NID1: variants seen among roughly 807,000 people sequenced by gnomAD.
NID1 encodes the protein nidogen 1.
Under a neutral mutation model 130.6 loss-of-function variants are expected in NID1, and 76 were observed. That is an observed-to-expected ratio of 0.58 (90% confidence interval 0.48 to 0.70). The LOEUF (loss-of-function observed/expected upper bound fraction) is 0.70, where lower values mean the gene tolerates loss of function less well. Among genes scored for constraint, NID1 ranks in the 30% least tolerant of loss-of-function variants. The pLI is 0.00. For synonymous variants in NID1, 665 were observed against 675.1 expected, an observed-to-expected ratio of 0.98 and a Z score of 0.23; for missense variants, 1,517 against 1,664.8, an observed-to-expected ratio of 0.91 and a Z score of 1.54.
chr1:236,062,633 C>CAA (rs56709890), intron 1 of NID1, among the ~76,000 whole-genome samples: 16 of 104,210 alleles, frequency 1.5e-4, no homozygotes, highest in Non-Finnish European at 2.1e-4. Flanking sequence ...GACTCTGTCT[C>CAA]AAAAAAAAAA....
intron 9 of NID1, among the ~76,000 whole-genome samples, chr1:236,020,452 T>C (rs1223206450): frequency 1.3e-5 from 2 of 152,222 alleles, no homozygotes; most frequent in Non-Finnish European, 2.9e-5. Context: ...CAATGAGAGA[T>C]GAGCCAAAAC....
chr1:235,978,751 G>A (rs1657345459), intron 19 of NID1, among the ~76,000 whole-genome samples: 1 of 152,144 alleles, frequency 6.6e-6, no homozygotes, highest in South Asian at 2.1e-4. Flanking sequence ...GGAACCTGAA[G>A]ACCCTATGCT....
chr1:236,042,243 G>T lies in NID1; in HGVS notation c.802C>A (p.Pro268Thr). The T allele has an allele frequency of 6.2e-7, 1 of 1,609,794 alleles. No individual in the cohort carries two copies. The highest frequency in any genetic ancestry group is 8.5e-7 in the Non-Finnish European group (1 of 1,179,974). ...QGVWVFEIGSPATTNGVVPAD... is the reference protein window; with the variant it reads ...QGVWVFEIGSTATTNGVVPAD... Reference sequence around the variant, plus strand: ...GGCACCACGCCATTGGTGGTGGCTGGACTCCCAATCTCAAACACCCAGACA... The same window carrying T: ...GGCACCACGCCATTGGTGGTGGCTGTACTCCCAATCTCAAACACCCAGACA... The change falls in exon 4 of 20, where the codon CCA becomes ACA. Residue 268 changes from proline to threonine, a missense_variant. By Grantham distance (38) the Pro-to-Thr change is conservative. Around this residue, in one of 3 missense-constraint regions of NID1, gnomAD observed 1,329 missense variants for 1,429.2 expected, o/e 0.93. Coordinates refer to ENST00000264187, the MANE Select transcript of NID1 (RefSeq NM_002508.3).
chr1:236,047,675 T>C (rs1659643967), intron 2 of NID1, among the ~76,000 whole-genome samples: 1 of 152,094 alleles, frequency 6.6e-6, no homozygotes, highest in African/African-American at 2.4e-5. Context: ...TTTGCATCCC[T>C]CAGGAGTACT....
At chr1:235,987,022 G>A (rs889839854) in intron 14 of NID1, among the ~76,000 whole-genome samples, 2 of 152,186 alleles carry the variant, frequency 1.3e-5, no homozygotes, top group Admixed American at 1.3e-4. Flanking sequence ...ACAAAAGTGA[G>A]ACAGAAAAGG....
At chr1:236,055,632 G>T (rs1227370380) in intron 1 of NID1, among the ~76,000 whole-genome samples, 1 of 151,516 alleles carries the variant, frequency 6.6e-6, no homozygotes, top group Admixed American at 6.6e-5. Flanking sequence ...TCCAGCCTGG[G>T]TAACAGAGTG....
In NID1 at chr1:235,993,814, C is replaced by T. The variant is rs1572582191; in HGVS notation, c.2586G>A (p.Ala862=). The T allele has an allele frequency of 3.1e-6, 5 of 1,614,128 alleles. No homozygotes were observed. The highest frequency in any genetic ancestry group is 4.2e-6 in the Non-Finnish European group (5 of 1,179,994). ...GAGGAATGGGTCGCTGTGGGTCTGT[C>T]GCCCCCGCTGCCCCGAGAATGTGTT... ...EREHILGAAG[A]TDPQRPIPPG... is the part of the protein sequence containing the mutation. The change falls in exon 13 of 20, where the codon GCG becomes GCA. Residue 862 remains alanine, a synonymous_variant. Coordinates refer to ENST00000264187, the MANE Select transcript of NID1 (RefSeq NM_002508.3).
At chr1:236,039,709 G>A (rs991620652) in intron 4 of NID1, among the ~76,000 whole-genome samples, 9 of 152,172 alleles carry the variant, frequency 5.9e-5, no homozygotes, top group Non-Finnish European at 1.3e-4. Flanking sequence ...TACGAGTGAA[G>A]AGAAAAGCAA....
At chr1:235,992,894 C>T (rs1426790433) in intron 13 of NID1, among the ~76,000 whole-genome samples, 1 of 152,146 alleles carries the variant, frequency 6.6e-6, no homozygotes. Flanking sequence ...TGACAATAAC[C>T]AATTTCTACA....
Position 235,980,575 on chromosome 1 carries a change from G to A in NID1, c.3306C>T (p.Ile1102=), listed in dbSNP as rs1362282765. Residue 1102 remains isoleucine (I), a synonymous_variant, in exon 17 of 20, where the codon ATC becomes ATT. Transcript: ENST00000264187. ...GCAAGCCCAGGTCATCCTGCACAAG[G>A]ATCCTCCGGTTCGTGCCGTCCATGT... is the stretch of plus-strand genomic sequence containing the variant. ...TSYMDGTNRR[I]LVQDDLGLPN... 22 of 1,614,108 alleles carry A rather than the reference G, an allele frequency of 1.4e-5. No homozygotes were observed. Among genetic ancestry groups the A allele is most frequent in the Non-Finnish European group, 1.8e-5 (21 of 1,180,044 alleles).
chr1:236,048,275 C>A (rs980880731), intron 2 of NID1, among the ~76,000 whole-genome samples: 22 of 151,740 alleles, frequency 1.4e-4, no homozygotes, highest in Non-Finnish European at 2.6e-4. Flanking sequence ...GCGAAGCTTG[C>A]AGTGAGCCAA....
intron 4 of NID1, among the ~76,000 whole-genome samples, chr1:236,040,203 G>A (rs3768087): frequency 2.0e-5 from 3 of 151,980 alleles, no homozygotes; most frequent in Non-Finnish European, 2.9e-5. Flanking sequence ...ACATCTGGGG[G>A]AGATGACTCC....
In NID1 at chr1:235,976,558, G is replaced by A. The variant is rs1294182050; in HGVS notation, c.*1309C>T. 6.6e-6 allele frequency: 1 copy of A among 151,900 alleles called. No individual in the cohort carries two copies. Among genetic ancestry groups the A allele is most frequent in the Non-Finnish European group, 1.5e-5 (1 of 68,008 alleles). 9.4% of individuals were successfully genotyped at this position (151,900 alleles called of 1,614,324 possible). A position where few individuals can be genotyped will look rare whatever the true frequency, so the allele number is the denominator to read the frequency against. ...TTTACTGACTCAAACTCCTTATGCT[G>A]AACTTTTCAATCCAAAATTTCTATT... On this transcript the variant is annotated 3_prime_UTR_variant, in exon 20 of 20. Coordinates refer to ENST00000264187, the MANE Select transcript of NID1 (RefSeq NM_002508.3).
At chr1:236,043,621 AC>A (rs1659516905) in intron 3 of NID1, among the ~76,000 whole-genome samples, 2 of 151,866 alleles carry the variant, frequency 1.3e-5, no homozygotes, top group Admixed American at 6.6e-5. Flanking sequence ...ACATGGTGAA[AC>A]CCCGTCTCTA....
At chr1:235,980,224 C>T (rs971915196) in intron 17 of NID1, among the ~76,000 whole-genome samples, 3 of 152,232 alleles carry the variant, frequency 2.0e-5, no homozygotes, top group East Asian at 1.9e-4. Context: ...ACTTACAACA[C>T]GAGGGTGGCC....
chr1:235,981,137 G>T (rs1657424749), intron 16 of NID1, among the ~76,000 whole-genome samples: 1 of 152,164 alleles, frequency 6.6e-6, no homozygotes, highest in African/African-American at 2.4e-5. Flanking sequence ...TCAGTGTCGA[G>T]GAACTAAGAG....
intron 12 of NID1, among the ~76,000 whole-genome samples, chr1:235,995,380 C>A (rs114247279): frequency 0.022 from 3,361 of 152,216 alleles, 112 homozygotes; most frequent in African/African-American, 0.074. Flanking sequence ...CTTCAGGAAC[C>A]AATGCCCCGT....
intron 15 of NID1, among the ~76,000 whole-genome samples, chr1:235,983,852 A>G (rs1173260602): frequency 6.6e-6 from 1 of 152,222 alleles, no homozygotes; most frequent in Non-Finnish European, 1.5e-5. Context: ...CAAGGAAAGA[A>G]AGAAAGCCTG....
chr1:236,041,888 A>G (rs1328969029), intron 4 of NID1, 22 bp downstream of exon 4: 7 of 1,584,724 alleles, frequency 4.4e-6, no homozygotes, highest in Non-Finnish European at 6.0e-6. Flanking sequence ...ATCGTTACCA[A>G]CTGCAACTTA....
Sources: allele counts gnomAD v4.1 joint callset (sites outside exome capture counted in the v4.1 genomes callset), GRCh38; gene constraint gnomAD v4.1.1; regional missense constraint gnomAD v4.1.1; transcripts MANE v1.5; gene names NCBI Gene and HGNC (gene_info 2026-07-23, HGNC 2026-07-21).